PEX7: variants seen among roughly 807,000 people sequenced by gnomAD.
PEX7 encodes the protein PTS2 receptor.
PEX7 carries 34 observed loss-of-function variants against 47.5 expected under a neutral mutation model. That is an observed-to-expected ratio of 0.72 (90% CI 0.54 to 0.95). The LOEUF (loss-of-function observed/expected upper bound fraction) is 0.95, where lower values mean the gene tolerates loss of function less well. Ranked by LOEUF, PEX7 falls within the 40% of genes least tolerant of loss-of-function variation. PEX7 has a pLI of 0.00. For synonymous variants in PEX7, 141 were observed against 148.8 expected, an observed-to-expected ratio of 0.95 and a Z score of 0.38; for missense variants, 394 against 400.3, an observed-to-expected ratio of 0.98 and a Z score of 0.13.
In PEX7 at chr6:136,900,810, C is replaced by T; in HGVS notation, c.903+2569C>T. Reference sequence around the variant, plus strand: ...GGACATCCCCTTTGCCAACAGCTTTCTTCTCAGCCTGGGCCAAGTCTCTGC... The same window carrying T: ...GGACATCCCCTTTGCCAACAGCTTTTTTCTCAGCCTGGGCCAAGTCTCTGC... On this transcript the variant is annotated intron_variant, in intron 9 of 9. Transcript: ENST00000318471. This position sits in a 1 kb window ranked among gnomAD's most constrained non-coding sequence, Gnocchi z 4.2. 3.0e-6 allele frequency: 1 copy of T among 330,776 alleles called. No homozygotes were observed. Among genetic ancestry groups the T allele is most frequent in the Non-Finnish European group, 5.8e-6 (1 of 173,132 alleles). The allele number at this position is 330,776 out of a possible 1,614,324, so 20.5% of individuals were successfully genotyped here.
At position 136,885,467 on chromosome 6, in the gene PEX7, C is replaced by T. The variant is rs556365772; in HGVS notation, c.804-12675C>T. Among the ~76,000 whole-genome samples the T allele has an allele frequency of 9.2e-5, 14 of 152,224 alleles. No homozygotes were observed. In the South Asian group the frequency reaches 2.7e-3, roughly 29 times the overall value. ...TCAAACTGTATTCAGCCACAGTTTG[C>T]GTGATGTGAGTCTCTCTCTGCCTAT... On this transcript the variant is annotated intron_variant, in intron 8 of 9. Coordinates refer to ENST00000318471, the MANE Select transcript of PEX7 (RefSeq NM_000288.4).
chr6:136,844,438 G>A (rs771154514), intron 3 of PEX7, among the ~76,000 whole-genome samples: 1 of 152,008 alleles, frequency 6.6e-6, no homozygotes, highest in African/African-American at 2.4e-5. Flanking sequence ...CTTGAGTAAT[G>A]ATTCCTACAG....
intron 3 of PEX7, among the ~76,000 whole-genome samples, chr6:136,835,897 T>C (rs563260176): frequency 6.9e-4 from 105 of 152,300 alleles, no homozygotes; most frequent in African/African-American, 2.5e-3. Context: ...GAAGAGAAAA[T>C]GATAGTTTTA....
At chr6:136,827,405 T>A (rs1341903802) in intron 3 of PEX7, among the ~76,000 whole-genome samples, 1 of 152,190 alleles carries the variant, frequency 6.6e-6, no homozygotes, top group Non-Finnish European at 1.5e-5. Flanking sequence ...TAAGACAATT[T>A]TGGTAAAGGA....
chr6:136,832,809 G>T (rs1774317781), intron 3 of PEX7, among the ~76,000 whole-genome samples: 2 of 152,194 alleles, frequency 1.3e-5, no homozygotes, highest in Admixed American at 1.3e-4. Context: ...TTGCATGAAT[G>T]ACCTTTACTC....
intron 8 of PEX7, among the ~76,000 whole-genome samples, chr6:136,892,551 T>C (rs1198809245): frequency 6.6e-6 from 1 of 152,234 alleles, no homozygotes; most frequent in African/African-American, 2.4e-5. Flanking sequence ...GAAATGAGGA[T>C]TATACCCATT....
rs1429171463 is a variant in PEX7 at position 136,826,438 on chromosome 6, C to T, written c.308C>T (p.Pro103Leu). 6.2e-7 allele frequency: 1 copy of T among 1,613,742 alleles called. No individual in the cohort carries two copies. The highest frequency in any genetic ancestry group is 8.5e-7 in the Non-Finnish European group (1 of 1,180,008). ...TGGGACACTGCCAAAGCTGCAGGGC[C>T]ACTGCAAGTCTATAAAGAACACGCT... ...QLWDTAKAAG[P>L]LQVYKEHAQE... The change falls in exon 3 of 10, where the codon CCA (proline) becomes CTA (leucine). Residue 103 changes from proline (P) to leucine (L), a missense_variant. Pro to Leu is a moderately conservative substitution (Grantham distance 98, BLOSUM62 -3). Coordinates refer to ENST00000318471, the MANE Select transcript of PEX7 (RefSeq NM_000288.4).
At position 136,910,681 on chromosome 6, in the gene PEX7, G is replaced by A. The variant is rs1029278976; in HGVS notation, c.904-2777G>A. On this transcript the variant is annotated intron_variant, in intron 9 of 9. Transcript: ENST00000318471. ...ACTATTCAAAATTAGTGATAGCCAAGAAATTACATTAGTCAAAACGAGGTT... is the reference window on the plus strand; with the variant it reads ...ACTATTCAAAATTAGTGATAGCCAAAAAATTACATTAGTCAAAACGAGGTT... Among the ~76,000 whole-genome samples, 45 of 152,188 alleles carry A rather than the reference G, an allele frequency of 3.0e-4. 1 individual carries two copies. The highest frequency in any genetic ancestry group is 2.3e-3 in the Admixed American group (35 of 15,284).
At chr6:136,910,364 A>T (rs760300127) in intron 9 of PEX7, among the ~76,000 whole-genome samples, 1 of 152,140 alleles carries the variant, frequency 6.6e-6, no homozygotes, top group Admixed American at 6.6e-5. Context: ...CTGATTTTTT[A>T]AAAAAGAGAC....
intron 9 of PEX7, among the ~76,000 whole-genome samples, chr6:136,898,739 A>C (rs1171402624): frequency 6.6e-6 from 1 of 152,222 alleles, no homozygotes; most frequent in Non-Finnish European, 1.5e-5. Context: ...TTAATAAACA[A>C]TATATGTCTC....
intron 8 of PEX7, among the ~76,000 whole-genome samples, 159 bp from the exon 9 acceptor site, chr6:136,897,983 G>A (rs1198568622): frequency 1.3e-5 from 2 of 150,730 alleles, no homozygotes; most frequent in Non-Finnish European, 3.0e-5. Flanking sequence ...TTTTCTTATT[G>A]GATTTTTTAC....
intron 9 of PEX7, 112 bp downstream of exon 9, chr6:136,898,353 G>A (rs1429358443): frequency 6.8e-6 from 5 of 737,542 alleles, no homozygotes; most frequent in Non-Finnish European, 1.2e-5. Flanking sequence ...ATATAAGCTG[G>A]AGCGTTTGAG....
At chr6:136,897,290 A>G (rs1420070589) in intron 8 of PEX7, among the ~76,000 whole-genome samples, 1 of 152,240 alleles carries the variant, frequency 6.6e-6, no homozygotes, top group African/African-American at 2.4e-5. Flanking sequence ...AAGCTGAATT[A>G]GGATATGACT....
intron 9 of PEX7, among the ~76,000 whole-genome samples, chr6:136,907,841 A>G: frequency 6.6e-6 from 1 of 152,156 alleles, no homozygotes. Flanking sequence ...ACACGTATTT[A>G]AAGTGTTGTA....
intron 5 of PEX7, among the ~76,000 whole-genome samples, chr6:136,865,332 CTT>C (rs1400863368): frequency 6.6e-6 from 1 of 152,064 alleles, no homozygotes; most frequent in African/African-American, 2.4e-5. Flanking sequence ...GAATTTCACT[CTT>C]GTTGTCTGGG....
At chr6:136,842,345 A>G (rs1774516288) in intron 3 of PEX7, among the ~76,000 whole-genome samples, 1 of 152,098 alleles carries the variant, frequency 6.6e-6, no homozygotes, top group South Asian at 2.1e-4. Context: ...TGTGTGTCCT[A>G]TCTTTAGCTC....
At position 136,869,880 on chromosome 6, in the gene PEX7, T is replaced by C. The variant is rs1218878431; in HGVS notation, c.634-10T>C. 1.3e-6 allele frequency: 2 copies of C among 1,598,400 alleles called. No individual in the cohort carries two copies. Among genetic ancestry groups the C allele is most frequent in the African/African-American group, 2.7e-5 (2 of 74,634 alleles). ...ATGTCACAGTTTATGTTTCTCTGAATTGTTTTTAGAATTTGCTGGTGACCG... is the reference window on the plus strand; with the variant it reads ...ATGTCACAGTTTATGTTTCTCTGAACTGTTTTTAGAATTTGCTGGTGACCG... On this transcript the variant is annotated splice_polypyrimidine_tract_variant and intron_variant, in intron 6 of 9. Transcript: ENST00000318471.
chr6:136,887,362 C>T (rs917011818), intron 8 of PEX7, among the ~76,000 whole-genome samples: 8 of 152,040 alleles, frequency 5.3e-5, no homozygotes, highest in Non-Finnish European at 8.8e-5. Context: ...TGTACTGCTA[C>T]GAGATTTAAA....
chr6:136,889,170 C>CT (rs1414084857), intron 8 of PEX7, among the ~76,000 whole-genome samples: 3 of 151,990 alleles, frequency 2.0e-5, no homozygotes, highest in African/African-American at 7.2e-5. Context: ...TTCCATTTGA[C>CT]TTGTTTAAAT....
Sources: allele counts gnomAD v4.1 joint callset (sites outside exome capture counted in the v4.1 genomes callset), GRCh38; gene constraint gnomAD v4.1.1; non-coding constraint Gnocchi (gnomAD v3.1); transcripts MANE v1.5; gene names NCBI Gene and HGNC (gene_info 2026-07-23, HGNC 2026-07-21).